The following CACNB2 variants were observed in gnomAD, a reference collection of about 807,000 sequenced individuals.
CACNB2 encodes the protein calcium voltage-gated channel auxiliary subunit beta 2.
A neutral mutation model predicts 73.3 loss-of-function variants in CACNB2; 42 were observed. That is an observed-to-expected ratio of 0.57 (90% CI 0.45 to 0.74). The LOEUF (loss-of-function observed/expected upper bound fraction) is 0.74. CACNB2 is among the 30% of genes least tolerant of loss of function. The pLI is 0.00. For missense variants in CACNB2, 940 were observed against 853.0 expected (o/e 1.10, Z -1.27); for synonymous variants, 348 against 310.3 (o/e 1.12, Z -1.28).
At chr10:18,273,394 A>C (rs939866791) in intron 2 of CACNB2, among the ~76,000 whole-genome samples, 9 of 152,124 alleles carry the variant, frequency 5.9e-5, no homozygotes, top group Non-Finnish European at 1.3e-4. Context: ...CAAAACAAAA[A>C]AAAAAGAGGG....
At chr10:18,483,453 C>T (rs150757464) in intron 3 of CACNB2, among the ~76,000 whole-genome samples, 3,811 of 151,092 alleles carry the variant, frequency 0.025, 131 homozygotes, top group South Asian at 0.13. Context: ...ATCGCTTGAA[C>T]CCGGGAGGCG....
intron 3 of CACNB2, among the ~76,000 whole-genome samples, chr10:18,484,338 G>C (rs1330994456): frequency 6.6e-6 from 1 of 151,600 alleles, no homozygotes; most frequent in Non-Finnish European, 1.5e-5. Context: ...AGGTTGCAGT[G>C]ACCTGAGATC....
chr10:18,171,192 G>A (rs758091091), intron 2 of CACNB2, among the ~76,000 whole-genome samples: 1 of 152,146 alleles, frequency 6.6e-6, no homozygotes, highest in Non-Finnish European at 1.5e-5. Context: ...CTTCTGCCAG[G>A]CATTAGGGTC....
At chr10:18,355,637 T>A (rs185226987) in intron 2 of CACNB2, among the ~76,000 whole-genome samples, 2,164 of 151,858 alleles carry the variant, frequency 0.014, 23 homozygotes, top group Non-Finnish European at 0.021. Context: ...TCTCTTTTTT[T>A]TTTTTTTTTA....
intron 2 of CACNB2, among the ~76,000 whole-genome samples, chr10:18,212,683 G>A (rs947940622): frequency 6.6e-6 from 1 of 152,036 alleles, no homozygotes; most frequent in East Asian, 1.9e-4. Flanking sequence ...TTCCAGGGTC[G>A]TTTATAAAAT....
At chr10:18,476,701 G>T (rs916518331) in intron 3 of CACNB2, among the ~76,000 whole-genome samples, 5 of 152,112 alleles carry the variant, frequency 3.3e-5, no homozygotes, top group African/African-American at 1.2e-4. Context: ...TTGCAGGAGG[G>T]TTCTAAACAG....
intron 2 of CACNB2, among the ~76,000 whole-genome samples, chr10:18,178,589 G>C (rs573442945): frequency 1.8e-4 from 27 of 152,228 alleles, no homozygotes; most frequent in Middle Eastern, 3.4e-3. Context: ...AGTGATTTGG[G>C]AGAAGGTTCT....
At chr10:18,487,178 T>C (rs922035966) in intron 3 of CACNB2, among the ~76,000 whole-genome samples, 2 of 152,182 alleles carry the variant, frequency 1.3e-5, no homozygotes, top group Non-Finnish European at 2.9e-5. Flanking sequence ...GCCAGCACCA[T>C]GTTGTCTGTT....
At chr10:18,253,978 T>A (rs935958936) in intron 2 of CACNB2, among the ~76,000 whole-genome samples, 1 of 152,190 alleles carries the variant, frequency 6.6e-6, no homozygotes. Context: ...CAAATTTACA[T>A]CATACGAAGC....
chr10:18,272,897 G>A (rs534225049), intron 2 of CACNB2, among the ~76,000 whole-genome samples: 14 of 152,268 alleles, frequency 9.2e-5, no homozygotes, highest in African/African-American at 3.4e-4. Flanking sequence ...TGGGTCACTA[G>A]CGTTAGGATT....
intron 2 of CACNB2, among the ~76,000 whole-genome samples, chr10:18,285,293 C>T (rs1298070700): frequency 1.3e-5 from 2 of 152,212 alleles, no homozygotes; most frequent in Non-Finnish European, 1.5e-5. Flanking sequence ...AGGTGAGAAG[C>T]TTTGCAGCTC....
At chr10:18,250,238 T>C (rs760151190) in intron 2 of CACNB2, among the ~76,000 whole-genome samples, 9 of 152,358 alleles carry the variant, frequency 5.9e-5, no homozygotes, top group East Asian at 3.9e-4. Context: ...GAGATATAAA[T>C]CAAGCTAGGT....
At chr10:18,229,320 G>A (rs1486211456) in intron 2 of CACNB2, among the ~76,000 whole-genome samples, 1 of 152,052 alleles carries the variant, frequency 6.6e-6, no homozygotes, top group East Asian at 1.9e-4. Context: ...CCATATTGAG[G>A]GGTTGAGGCA....
intron 2 of CACNB2, among the ~76,000 whole-genome samples, chr10:18,180,262 A>G (rs1054164713): frequency 3.3e-5 from 5 of 152,154 alleles, no homozygotes; most frequent in African/African-American, 1.2e-4. Context: ...CTTCTCTGCA[A>G]CAGACAGAGG....
chr10:18,375,436 A>G (rs182711572), intron 2 of CACNB2, among the ~76,000 whole-genome samples: 1 of 152,152 alleles, frequency 6.6e-6, no homozygotes. Flanking sequence ...CTTTGGATTG[A>G]GCTTTCAGAC....
intron 9 of CACNB2, 54 bp downstream of exon 9, chr10:18,519,022 C>T (rs368736404): frequency 1.1e-5 from 16 of 1,469,368 alleles, no homozygotes; most frequent in African/African-American, 6.9e-5. Flanking sequence ...GATGGCAAAA[C>T]GCTGGTGGGA....
intron 3 of CACNB2, among the ~76,000 whole-genome samples, chr10:18,468,060 A>C (rs2047992456): frequency 6.6e-6 from 1 of 152,182 alleles, no homozygotes; most frequent in East Asian, 1.9e-4. Flanking sequence ...AAAATTAGTA[A>C]ACAGCATACC....
intron 2 of CACNB2, among the ~76,000 whole-genome samples, chr10:18,183,215 C>G (rs887172471): frequency 6.6e-6 from 1 of 152,132 alleles, no homozygotes; most frequent in Non-Finnish European, 1.5e-5. Flanking sequence ...GTGCTTAGGA[C>G]CATGTCTGCC....
At chr10:18,413,186 G>A (rs886557689) in intron 3 of CACNB2, among the ~76,000 whole-genome samples, 2 of 152,146 alleles carry the variant, frequency 1.3e-5, no homozygotes, top group African/African-American at 4.8e-5. Context: ...TGACCAGGCT[G>A]GTCTCGAACT....
Sources: allele counts gnomAD v4.1 joint callset (sites outside exome capture counted in the v4.1 genomes callset), GRCh38; gene constraint gnomAD v4.1.1; transcripts MANE v1.5; gene names NCBI Gene and HGNC (gene_info 2026-07-23, HGNC 2026-07-21).